CDKAL1: variants seen among roughly 807,000 people sequenced by gnomAD.
CDKAL1 encodes threonylcarbamoyladenosine tRNA methylthiotransferase.
Under a neutral mutation model 68.2 loss-of-function variants are expected in CDKAL1, and 32 were observed. The observed-to-expected ratio is 0.47, with a 90% CI of 0.35 to 0.63. The LOEUF (loss-of-function observed/expected upper bound fraction) is 0.63. Among genes scored for constraint, CDKAL1 ranks in the 30% least tolerant of loss-of-function variants. CDKAL1 has a pLI of 0.00. For synonymous variants in CDKAL1, 234 were observed against 244.3 expected (o/e 0.96, Z 0.39); for missense variants, 606 against 696.7 (o/e 0.87, Z 1.47).
intron 8 of CDKAL1, among the ~76,000 whole-genome samples, chr6:20,833,891 G>T (rs75881111): frequency 8.3e-4 from 127 of 152,254 alleles, no homozygotes; most frequent in Non-Finnish European, 1.6e-3. Context: ...CTTTGGAACA[G>T]TGGTTCTCGG....
At chr6:20,944,352 C>T (rs575836295) in intron 9 of CDKAL1, among the ~76,000 whole-genome samples, 62 of 136,150 alleles carry the variant, frequency 4.6e-4, no homozygotes, top group African/African-American at 1.5e-3. Flanking sequence ...GAAGTCCTCA[C>T]AGTATGTCCT....
At chr6:20,758,699 A>C in intron 7 of CDKAL1, 56 bp downstream of exon 7, 1 of 1,316,476 alleles carries the variant, frequency 7.6e-7, no homozygotes, top group South Asian at 1.4e-5. Flanking sequence ...TACATAGTAG[A>C]AACACCACTC....
intron 9 of CDKAL1, among the ~76,000 whole-genome samples, chr6:20,907,491 A>T (rs1055400709): frequency 6.6e-6 from 1 of 152,238 alleles, no homozygotes; most frequent in African/African-American, 2.4e-5. Flanking sequence ...ATTGAAAAAA[A>T]TGACTATGAA....
intron 7 of CDKAL1, among the ~76,000 whole-genome samples, chr6:20,775,438 C>T (rs1270046874): frequency 1.3e-5 from 2 of 152,202 alleles, no homozygotes; most frequent in African/African-American, 4.8e-5. Flanking sequence ...CAGTGCTAGG[C>T]CTCAGTGGCT....
rs970229922 is a variant in CDKAL1 at position 20,608,753 on chromosome 6, G to A, written c.287-40540G>A. Among the ~76,000 whole-genome samples the A allele has an allele frequency of 2.7e-4, 41 of 152,050 alleles. 1 individual carries two copies. Among genetic ancestry groups the A allele is most frequent in the African/African-American group, 9.7e-4 (40 of 41,396 alleles). Reference sequence around the variant, plus strand: ...GGAAAGAACATGATAATGCTTGTTCGGCATCTTTCTCTACTCTTAGCAAGG... The same window carrying A: ...GGAAAGAACATGATAATGCTTGTTCAGCATCTTTCTCTACTCTTAGCAAGG... On this transcript the variant is annotated intron_variant, in intron 4 of 15. Transcript: ENST00000274695.
rs529918388 is a variant in CDKAL1, at chr6:21,093,191, T to G, written c.1237-15210T>G. ...GACAAGAGAGAAAAGCCAGGTCACA[T>G]TCAAAGGACCAGGACTCAAATTTCA... On this transcript the variant is annotated intron_variant, in intron 12 of 15. Coordinates refer to ENST00000274695, the MANE Select transcript of CDKAL1 (RefSeq NM_017774.3). 4.6e-5 allele frequency among the ~76,000 whole-genome samples: 7 copies of G among 152,298 alleles called. No homozygotes were observed. In the East Asian group the frequency reaches 1.4e-3, roughly 29 times the overall value.
intron 4 of CDKAL1, among the ~76,000 whole-genome samples, chr6:20,597,136 T>G (rs1205964398): frequency 3.9e-5 from 6 of 152,168 alleles, no homozygotes; most frequent in Non-Finnish European, 8.8e-5. Flanking sequence ...TTATTTTTAT[T>G]TTTATTTTTT....
intron 2 of CDKAL1, among the ~76,000 whole-genome samples, chr6:20,541,251 C>T (rs59183976): frequency 6.6e-6 from 1 of 152,270 alleles, no homozygotes; most frequent in East Asian, 1.9e-4. Context: ...TTTGCAAGAA[C>T]AGAATACCCA....
intron 4 of CDKAL1, among the ~76,000 whole-genome samples, chr6:20,585,710 C>T (rs1329280167): frequency 6.6e-6 from 1 of 152,210 alleles, no homozygotes; most frequent in Non-Finnish European, 1.5e-5. Flanking sequence ...ATTTCACTGG[C>T]TGCCCCTTCA....
intron 10 of CDKAL1, among the ~76,000 whole-genome samples, chr6:20,992,094 C>T (rs1404536969): frequency 8.1e-6 from 1 of 124,112 alleles, no homozygotes; most frequent in Non-Finnish European, 1.6e-5. Flanking sequence ...GTGGCGCAAT[C>T]TTGGCTCACT....
chr6:20,994,687 G>C (rs1767009392), intron 10 of CDKAL1, among the ~76,000 whole-genome samples: 1 of 152,160 alleles, frequency 6.6e-6, no homozygotes, highest in South Asian at 2.1e-4. Context: ...TAGTTTCCTA[G>C]TGTATGTAAA....
Position 20,846,187 on chromosome 6 carries a change from T to G in CDKAL1, c.742+9T>G. 6.6e-7 allele frequency: 1 copy of G among 1,520,638 alleles called. No homozygotes were observed. 94.2% of individuals were successfully genotyped at this position (1,520,638 alleles called of 1,614,324 possible). A position where few individuals can be genotyped will look rare whatever the true frequency, so the allele number is the denominator to read the frequency against. ...CAAACAATCTTTTCAAGGTAAGAGT[T>G]TCTAGAATTATATGTGAAATTAGTC... On this transcript the variant is annotated intron_variant, in intron 9 of 15. Transcript: ENST00000274695.
At chr6:20,763,252 C>G (rs535944829) in intron 7 of CDKAL1, among the ~76,000 whole-genome samples, 1 of 152,148 alleles carries the variant, frequency 6.6e-6, no homozygotes. Flanking sequence ...TTTCCTTACC[C>G]TAAGGTCACA....
Position 20,546,332 on chromosome 6 carries a change from C to A in CDKAL1, c.-5-14C>A. 6.4e-7 allele frequency: 1 copy of A among 1,573,866 alleles called. No individual in the cohort carries two copies. On this transcript the variant is annotated splice_polypyrimidine_tract_variant and intron_variant, in intron 2 of 15. Transcript: ENST00000274695. ...TTTCATAAGTTGATTTTATTTATAA[C>A]TTTTATGTGGTAGAGAATATGCCTT...
chr6:20,929,072 C>G (rs536296191), intron 9 of CDKAL1, among the ~76,000 whole-genome samples: 1 of 152,262 alleles, frequency 6.6e-6, no homozygotes, highest in East Asian at 1.9e-4. Context: ...AGTTTTAACC[C>G]TATACAGTGG....
rs534763995 is a variant in CDKAL1 at position 21,090,715 on chromosome 6, A to G, written c.1237-17686A>G. Among the ~76,000 whole-genome samples, 43 of 152,210 alleles carry G rather than the reference A, an allele frequency of 2.8e-4. No individual in the cohort carries two copies. In the East Asian group the frequency reaches 4.2e-3, roughly 15 times the overall value. On this transcript the variant is annotated intron_variant, in intron 12 of 15. Transcript: ENST00000274695. ...ATTATTTACCTTGTTCTATATATCA[A>G]TTATTTCAAAAGAGAAATTCATGAA...
chr6:20,722,600 G>C (rs1205721769), intron 5 of CDKAL1: 7 of 234,366 alleles, frequency 3.0e-5, no homozygotes, highest in Non-Finnish European at 3.4e-5. Context: ...AGAAATTGTA[G>C]ACAGACAGGG....
intron 9 of CDKAL1, among the ~76,000 whole-genome samples, chr6:20,950,729 G>A (rs1764481669): frequency 6.6e-6 from 1 of 152,098 alleles, no homozygotes; most frequent in South Asian, 2.1e-4. Flanking sequence ...ACTTCGGGAG[G>A]CTGAGGTGGG....
intron 15 of CDKAL1, among the ~76,000 whole-genome samples, chr6:21,205,228 A>G (rs1475067402): frequency 6.6e-6 from 1 of 152,330 alleles, no homozygotes; most frequent in South Asian, 2.1e-4. Context: ...TGCTTCTACC[A>G]TTTGGCTGTT....
Sources: gnomAD v4.1 joint callset for allele counts (sites outside exome capture counted in the v4.1 genomes callset) on GRCh38, gnomAD v4.1.1 for gene constraint, MANE v1.5 for transcripts, NCBI Gene and HGNC (gene_info 2026-07-23, HGNC 2026-07-21) for gene names.